The following MGAM variants were observed in gnomAD, a reference collection of about 807,000 sequenced individuals.
MGAM encodes alpha-1,4-glucosidase.
In MGAM, 253 loss-of-function variants were observed where a neutral mutation model predicts 358.8. That is an observed-to-expected ratio of 0.71 (90% CI 0.64 to 0.78). The LOEUF (loss-of-function observed/expected upper bound fraction) is 0.78, where lower values mean the gene tolerates loss of function less well. MGAM is among the 30% of genes least tolerant of loss of function. The probability of loss-of-function intolerance (pLI) is 0.00; values close to 1 mark genes in which losing one functional copy is unlikely to be tolerated. For missense variants in MGAM, 3,080 were observed against 3,432.6 expected, an observed-to-expected ratio of 0.90 and a Z score of 2.57; for synonymous variants, 1,105 against 1,227.1, an observed-to-expected ratio of 0.90 and a Z score of 2.08.
chr7:142,103,268 G>A lies in MGAM; in HGVS notation c.8014-1G>A, dbSNP rs754695913. 19 of 1,586,462 alleles carry A rather than the reference G, an allele frequency of 1.2e-5. No homozygotes were observed. Among genetic ancestry groups the A allele is most frequent in the Non-Finnish European group, 1.5e-5 (17 of 1,169,298 alleles). ...TTTTTCTTTTATCTCCAATTCAACA[G>A]AATACGATGCAAAGCCATATAATTT... is the stretch of plus-strand genomic sequence containing the variant. On this transcript the variant is annotated splice_acceptor_variant, in intron 69 of 70. Transcript: ENST00000475668. LOFTEE classifies it high-confidence loss of function.
chr7:142,073,345 G>A (rs1813494922), intron 44 of MGAM, among the ~76,000 whole-genome samples: 1 of 146,248 alleles, frequency 6.8e-6, no homozygotes. Context: ...AGGCTGAACT[G>A]TGGAAGAATA....
At chr7:142,062,755 C>T in intron 35 of MGAM, 53 bp downstream of exon 35, 1 of 1,607,946 alleles carries the variant, frequency 6.2e-7, no homozygotes. Context: ...TCTTTGTGTG[C>T]CTAAGTATAT....
At chr7:141,991,673 G>T (rs1554447352), upstream of MGAM, among the ~76,000 whole-genome samples, 1 of 152,112 alleles carries the variant, frequency 6.6e-6, no homozygotes, top group African/African-American at 2.4e-5. Flanking sequence ...CTGACCTCAT[G>T]ATCCGCCTGC....
At chr7:141,989,899 C>A (rs1251191554) in intron 2 of MGAM, among the ~76,000 whole-genome samples, 1 of 152,166 alleles carries the variant, frequency 6.6e-6, no homozygotes, top group Non-Finnish European at 1.5e-5. Flanking sequence ...CTGGTAAAAT[C>A]CACACAGATA....
chr7:142,023,569 A>G (rs1359875901), intron 7 of MGAM, among the ~76,000 whole-genome samples: 3 of 152,186 alleles, frequency 2.0e-5, no homozygotes, highest in African/African-American at 7.2e-5. Context: ...AGCTCAAGGC[A>G]AAAGGGTTTG....
intron 1 of MGAM, among the ~76,000 whole-genome samples, chr7:141,996,393 A>G (rs2128973470): frequency 6.6e-6 from 1 of 152,156 alleles, no homozygotes; most frequent in Non-Finnish European, 1.5e-5. Flanking sequence ...ATACACATGG[A>G]ACAAAATTCT....
rs569567798 is a variant in MGAM at position 142,078,789 on chromosome 7, C to G, written c.5647-19C>G. On this transcript the variant is annotated intron_variant, in intron 48 of 70. Coordinates refer to ENST00000475668, the MANE Select transcript of MGAM (RefSeq NM_001365693.1). The stretch of plus-strand genomic sequence containing the variant: ...GACCACATGCTGTGCTGATCTATGA[C>G]TTTGGCCTTACTTTTCAGGCATCCA... 1 of 1,540,558 alleles carries G rather than the reference C, an allele frequency of 6.5e-7. No individual in the cohort carries two copies. The highest frequency in any genetic ancestry group is 1.3e-5 in the African/African-American group (1 of 74,450).
rs1810874179 is a variant in MGAM at position 142,050,795 on chromosome 7, T to C, written c.2736T>C (p.Asn912=). ...TTCTTGGGACGGAGGAACCTAGCAA[T>C]GTTACAGTGAAACACAATGGTGTCC... ...IKILGTEEPS[N]VTVKHNGVPS... The change falls in exon 24 of 71, where the codon AAT becomes AAC. Residue 912 remains asparagine, a synonymous_variant. Coordinates refer to ENST00000475668, the MANE Select transcript of MGAM (RefSeq NM_001365693.1). 3 of 1,613,846 alleles carry C rather than the reference T, an allele frequency of 1.9e-6. No homozygotes were observed. Among genetic ancestry groups the C allele is most frequent in the Non-Finnish European group, 2.5e-6 (3 of 1,179,780 alleles).
At chr7:142,045,336 T>C (rs1389090759) in intron 21 of MGAM, among the ~76,000 whole-genome samples, 1 of 102,870 alleles carries the variant, frequency 9.7e-6, no homozygotes, top group South Asian at 2.8e-4. Context: ...ATATAATATA[T>C]ATTATATGTC....
At chr7:141,994,946 C>G (rs1431571034), upstream of MGAM, among the ~76,000 whole-genome samples, 1 of 152,176 alleles carries the variant, frequency 6.6e-6, no homozygotes, top group Non-Finnish European at 1.5e-5. Flanking sequence ...TGAAAACAGA[C>G]CAATACAGTG....
At chr7:142,066,482 G>A (rs1812772047) in intron 40 of MGAM, 91 bp from the exon 41 acceptor site, 3 of 1,382,526 alleles carry the variant, frequency 2.2e-6, no homozygotes, top group East Asian at 2.4e-5. Context: ...AGCTGTGAGT[G>A]ATCTTCAATT....
chr7:142,045,404 T>C (rs1347273748), intron 21 of MGAM, among the ~76,000 whole-genome samples: 4 of 105,452 alleles, frequency 3.8e-5, no homozygotes, highest in Non-Finnish European at 5.2e-5. Flanking sequence ...TGATATATTA[T>C]ATATATTATA....
intron 1 of MGAM, among the ~76,000 whole-genome samples, chr7:141,999,528 T>C (rs1804563389): frequency 6.6e-6 from 1 of 152,222 alleles, no homozygotes; most frequent in South Asian, 2.1e-4. Context: ...CTTAGTTTTT[T>C]CATCTGAAAG....
chr7:142,030,604 C>T, intron 11 of MGAM, 37 bp from the exon 12 acceptor site: 1 of 1,602,840 alleles, frequency 6.2e-7, no homozygotes, highest in Non-Finnish European at 8.5e-7. Context: ...CCTCCGGTTT[C>T]CAGCTAGTTT....
At chr7:142,087,089 G>T (rs1814825631) in intron 57 of MGAM, among the ~76,000 whole-genome samples, 1 of 137,774 alleles carries the variant, frequency 7.3e-6, no homozygotes, top group Admixed American at 7.3e-5. Context: ...ATACTTAACT[G>T]TTGTTGCCTT....
At chr7:142,061,451 T>C (rs1264282326) in intron 34 of MGAM, among the ~76,000 whole-genome samples, 1 of 152,178 alleles carries the variant, frequency 6.6e-6, no homozygotes, top group East Asian at 1.9e-4. Context: ...CTCTGTGATG[T>C]GACCCACTGT....
At chr7:142,100,967 C>A in intron 68 of MGAM, 77 bp downstream of exon 68, 1 of 1,293,888 alleles carries the variant, frequency 7.7e-7, no homozygotes, top group Non-Finnish European at 1.1e-6. Context: ...CTGCTTTCAC[C>A]TTTTCCCTAT....
Position 142,022,285 on chromosome 7 carries a change from G to A in MGAM, c.728G>A (p.Gly243Glu), listed in dbSNP as rs1158398826. ...NNRVLFDSSI[G>E]PLLFADQFLQ... Reference sequence around the variant, plus strand: ...GTGTCTAGGTTTGACTCGAGCATTGGGCCCCTACTGTTTGCTGACCAGTTC... The same window carrying A: ...GTGTCTAGGTTTGACTCGAGCATTGAGCCCCTACTGTTTGCTGACCAGTTC... The change falls in exon 7 of 71, where the codon GGG (glycine) becomes GAG (glutamate). Residue 243 changes from glycine (G) to glutamate (E), a missense_variant. Coordinates refer to ENST00000475668, the MANE Select transcript of MGAM (RefSeq NM_001365693.1). The A allele has an allele frequency of 1.9e-6, 3 of 1,609,644 alleles. No individual in the cohort carries two copies. The highest frequency in any genetic ancestry group is 4.5e-5 in the East Asian group (2 of 44,700).
chr7:141,999,221 G>A (rs1804534725), intron 1 of MGAM, among the ~76,000 whole-genome samples: 1 of 152,142 alleles, frequency 6.6e-6, no homozygotes, highest in African/African-American at 2.4e-5. Flanking sequence ...TTCCAGAGAT[G>A]TAGTTTAGAT....
Sources: gnomAD v4.1 joint callset for allele counts (sites outside exome capture counted in the v4.1 genomes callset) on GRCh38, gnomAD v4.1.1 for gene constraint, MANE v1.5 for transcripts, NCBI Gene and HGNC (gene_info 2026-07-23, HGNC 2026-07-21) for gene names.